GLDC: variants seen among roughly 807,000 people sequenced by gnomAD.
GLDC encodes glycine dehydrogenase (decarboxylating), mitochondrial.
A neutral mutation model predicts 121.3 loss-of-function variants in GLDC; 104 were observed. The ratio of observed to expected loss-of-function variants is 0.86; its 90% CI spans 0.73 to 1.01. GLDC has a LOEUF of 1.01. Among genes scored for constraint, GLDC ranks in the 50% least tolerant of loss-of-function variants. The pLI is 0.00. For synonymous variants in GLDC, 546 were observed against 480.6 expected (o/e 1.14, Z -1.78); for missense variants, 1,429 against 1,306.6 (o/e 1.09, Z -1.44).
intron 2 of GLDC, chr9:6,639,668 A>ATTATATATATAT: frequency 4.0e-6 from 1 of 248,646 alleles, no homozygotes; most frequent in Admixed American, 6.6e-5. Flanking sequence ...ATAAAAAAAA[A>ATTATATATATAT]GTATATATAT....
chr9:6,615,179 A>C (rs534684155), intron 3 of GLDC, among the ~76,000 whole-genome samples: 13 of 152,340 alleles, frequency 8.5e-5, no homozygotes, highest in African/African-American at 2.9e-4. Flanking sequence ...TCCAAAGGTT[A>C]TTCAAGTGAA....
chr9:6,554,867 T>C, intron 18 of GLDC, 86 bp from the exon 19 acceptor site: 1 of 942,692 alleles, frequency 1.1e-6, no homozygotes, highest in Non-Finnish European at 1.7e-6. Flanking sequence ...CGGTGCTGCC[T>C]TCTCCCCTCA....
intron 2 of GLDC, among the ~76,000 whole-genome samples, chr9:6,621,909 G>A (rs1819104027): frequency 6.6e-6 from 1 of 152,060 alleles, no homozygotes; most frequent in African/African-American, 2.4e-5. Flanking sequence ...ATTTAACTGG[G>A]ATTTAACTAC....
chr9:6,643,512 G>A (rs939584866), intron 2 of GLDC, among the ~76,000 whole-genome samples: 2 of 143,970 alleles, frequency 1.4e-5, no homozygotes, highest in Non-Finnish European at 3.0e-5. Flanking sequence ...CTCCATGATT[G>A]AAAGTGAGAT....
chr9:6,637,588 T>A (rs1819531494), intron 2 of GLDC, among the ~76,000 whole-genome samples: 1 of 152,042 alleles, frequency 6.6e-6, no homozygotes, highest in Non-Finnish European at 1.5e-5. Context: ...TGCCTCAGAC[T>A]CCTGAGCAGC....
intron 6 of GLDC, 109 bp from the exon 7 acceptor site, chr9:6,604,893 T>A (rs573076664): frequency 2.1e-6 from 2 of 942,878 alleles, no homozygotes; most frequent in South Asian, 2.7e-5. Flanking sequence ...TGTGTTCACA[T>A]CCTGTGAACT....
chr9:6,592,083 C>A (rs1587950206), intron 11 of GLDC, 60 bp downstream of exon 11: 1 of 1,016,360 alleles, frequency 9.8e-7, no homozygotes, highest in East Asian at 2.4e-5. Flanking sequence ...AGGGGATAAG[C>A]TACTTTTGCT....
chr9:6,588,502 C>T (rs1259757374), intron 13 of GLDC, 60 bp from the exon 14 acceptor site: 7 of 1,491,526 alleles, frequency 4.7e-6, no homozygotes, highest in Non-Finnish European at 6.6e-6. Flanking sequence ...CATCAATCAA[C>T]CCTCCATTCT....
At chr9:6,638,572 A>T (rs1273262760) in intron 2 of GLDC, among the ~76,000 whole-genome samples, 2 of 152,072 alleles carry the variant, frequency 1.3e-5, no homozygotes, top group Non-Finnish European at 2.9e-5. Context: ...CTGTCTTTCC[A>T]TCCCATTTCA....
At position 6,645,438 on chromosome 9, in the gene GLDC, C is replaced by T. The variant is rs939541797; in HGVS notation, c.62G>A (p.Arg21His). 6 of 1,273,856 alleles carry T rather than the reference C, an allele frequency of 4.7e-6. No individual in the cohort carries two copies. The highest frequency in any genetic ancestry group is 5.9e-6 in the Non-Finnish European group (6 of 1,017,480). The allele number at this position is 1,273,856 out of a possible 1,614,324, so 78.9% of individuals were successfully genotyped here. The change falls in exon 1 of 25, where the codon CGC becomes CAC. Residue 21 changes from arginine (R) to histidine (H), a missense_variant. Coordinates refer to ENST00000321612, the MANE Select transcript of GLDC (RefSeq NM_000170.3). ...GCACGGCCCCGATCCCCCAGCCAGGCGGCGGCCGCCCCCGACCCCGCGGCC... is the reference window on the plus strand; with the variant it reads ...GCACGGCCCCGATCCCCCAGCCAGGTGGCGGCCGCCCCCGACCCCGCGGCC... ...RLGRGVGGGR[R>H]LAGGSGPCWA...
At chr9:6,587,834 C>T (rs1818301260) in intron 14 of GLDC, among the ~76,000 whole-genome samples, 1 of 151,932 alleles carries the variant, frequency 6.6e-6, no homozygotes, top group Admixed American at 6.6e-5. Flanking sequence ...ATATTCTTAT[C>T]ATGATATAAA....
Position 6,532,860 on chromosome 9 carries a change from G to A in GLDC, c.*157C>T. On this transcript the variant is annotated 3_prime_UTR_variant, in exon 25 of 25. Coordinates refer to ENST00000321612, the MANE Select transcript of GLDC (RefSeq NM_000170.3). ...CAACCATCAGCTTCGACTCCCTCCA[G>A]CTACTGTATTTACATTTACCTTGAC... is the stretch of plus-strand genomic sequence containing the variant. 1.4e-6 allele frequency: 1 copy of A among 711,634 alleles called. No homozygotes were observed. Among genetic ancestry groups the A allele is most frequent in the Non-Finnish European group, 2.5e-6 (1 of 392,270 alleles). The allele number at this position is 711,634 out of a possible 1,614,324, so 44.1% of individuals were successfully genotyped here.
intron 2 of GLDC, among the ~76,000 whole-genome samples, chr9:6,636,204 T>C (rs1313602185): frequency 6.6e-6 from 1 of 151,788 alleles, no homozygotes; most frequent in African/African-American, 2.4e-5. Context: ...CTCAGGAAGC[T>C]GAGGCAGGAG....
At chr9:6,637,087 G>GTTTT (rs529028383) in intron 2 of GLDC, among the ~76,000 whole-genome samples, 2 of 144,392 alleles carry the variant, frequency 1.4e-5, no homozygotes. Context: ...GGTTTTGTTT[G>GTTTT]TTTTTTTTTT....
At chr9:6,618,275 G>T (rs1252004535) in intron 3 of GLDC, among the ~76,000 whole-genome samples, 1 of 152,106 alleles carries the variant, frequency 6.6e-6, no homozygotes, top group Non-Finnish European at 1.5e-5. Flanking sequence ...AAGAGCCTAG[G>T]AGTCCCCACC....
At chr9:6,634,976 T>G (rs921691453) in intron 2 of GLDC, among the ~76,000 whole-genome samples, 1 of 152,174 alleles carries the variant, frequency 6.6e-6, no homozygotes, top group African/African-American at 2.4e-5. Context: ...GCCCTCCATA[T>G]TGTGGCCCCA....
intron 21 of GLDC, among the ~76,000 whole-genome samples, chr9:6,549,657 G>T (rs1817468805): frequency 1.3e-5 from 2 of 152,036 alleles, no homozygotes. Flanking sequence ...TGTGTAAAAG[G>T]ATGCCTGGTT....
chr9:6,533,010 C>G lies in GLDC; in HGVS notation c.*7G>C, dbSNP rs2228098. ...CAAATCAGTCCTTTAAACTTAGGGA[C>G]AGAGGACTAAGAAGACGCCCTCTTT... On this transcript the variant is annotated 3_prime_UTR_variant, in exon 25 of 25. Coordinates refer to ENST00000321612, the MANE Select transcript of GLDC (RefSeq NM_000170.3). 0.65 allele frequency: 1,031,358 copies of G among 1,595,334 alleles called. 337,953 individuals carry two copies. The highest frequency in any genetic ancestry group is 0.95 in the East Asian group (42,731 of 44,802).
intron 17 of GLDC, chr9:6,558,090 C>A (rs951214115): frequency 2.5e-5 from 6 of 239,798 alleles, no homozygotes; most frequent in Non-Finnish European, 8.1e-6. Context: ...TAAGCAACTT[C>A]TTCCTGGAGG....
Sources: allele counts gnomAD v4.1 joint callset (sites outside exome capture counted in the v4.1 genomes callset), GRCh38; gene constraint gnomAD v4.1.1; transcripts MANE v1.5; gene names NCBI Gene and HGNC (gene_info 2026-07-23, HGNC 2026-07-21).